The following ADGRB2 variants were observed in gnomAD, a reference collection of about 807,000 sequenced individuals.
ADGRB2 encodes the protein brain-specific angiogenesis inhibitor 2.
ADGRB2 carries 47 observed loss-of-function variants against 178.7 expected under a neutral mutation model. The observed-to-expected ratio is 0.26, with a 90% CI of 0.21 to 0.34. ADGRB2 has a LOEUF of 0.34. Ranked by LOEUF, ADGRB2 falls within the 10% of genes least tolerant of loss-of-function variation. The probability of loss-of-function intolerance (pLI) is 1.00; values close to 1 mark genes in which losing one functional copy is unlikely to be tolerated. For missense variants in ADGRB2, 1,584 were observed against 2,180.8 expected, an observed-to-expected ratio of 0.73 and a Z score of 5.45; for synonymous variants, 870 against 912.4, an observed-to-expected ratio of 0.95 and a Z score of 0.84.
chr1:31,749,954 G>A (rs1317061179), intron 4 of ADGRB2, among the ~76,000 whole-genome samples: 2 of 151,482 alleles, frequency 1.3e-5, no homozygotes, highest in African/African-American at 4.9e-5. Flanking sequence ...AGAAAGGAAA[G>A]AAAGAAAGAA....
At position 31,741,308 on chromosome 1, in the gene ADGRB2, C is replaced by A; in HGVS notation, c.1794+65G>T. On this transcript the variant is annotated intron_variant, in intron 11 of 32. Transcript: ENST00000373658. The surrounding 1 kb of genome is among the most constrained non-coding windows in gnomAD (Gnocchi z 6.5). ...GTGGGAACGAGCGAGAATCACGCTC[C>A]CTCCACCCCCTAGCAGAGTCTGAGA... 1 of 1,475,372 alleles carries A rather than the reference C, an allele frequency of 6.8e-7. No individual in the cohort carries two copies. Among genetic ancestry groups the A allele is most frequent in the East Asian group, 2.4e-5 (1 of 41,028 alleles). The allele number at this position is 1,475,372 out of a possible 1,614,324, so 91.4% of individuals were successfully genotyped here.
rs1204749327 is a variant in ADGRB2, at chr1:31,728,699, G to C, written c.4381-66C>G. The C allele has an allele frequency of 6.3e-7, 1 of 1,590,534 alleles. No individual in the cohort carries two copies. Among genetic ancestry groups the C allele is most frequent in the Non-Finnish European group, 8.6e-7 (1 of 1,159,410 alleles). On this transcript the variant is annotated intron_variant, in intron 29 of 32. Coordinates refer to ENST00000373658, the MANE Select transcript of ADGRB2 (RefSeq NM_001364857.2). This position sits in a 1 kb window ranked among gnomAD's most constrained non-coding sequence, Gnocchi z 6.7. Reference sequence around the variant, plus strand: ...CTTTTTACCACCGGCAGGGGCTTTAGAGACAGGAAGCCTGGCATCCCAGGG... The same window carrying C: ...CTTTTTACCACCGGCAGGGGCTTTACAGACAGGAAGCCTGGCATCCCAGGG...
rs1231624285 is a variant in ADGRB2 at position 31,754,405 on chromosome 1, G to A, written c.838+1594C>T. On this transcript the variant is annotated intron_variant, in intron 4 of 32. Transcript: ENST00000373658. This position sits in a 1 kb window ranked among gnomAD's most constrained non-coding sequence, Gnocchi z 5.7. ...GCCTGCAGCTGAGCACGATGGGGGA[G>A]ACCCCCACAGAGTGACAGGCAGTGG... Among the ~76,000 whole-genome samples the A allele has an allele frequency of 1.3e-5, 2 of 152,266 alleles. No homozygotes were observed. The highest frequency in any genetic ancestry group is 3.8e-4 in the East Asian group (2 of 5,198).
Position 31,761,812 on chromosome 1 carries a change from T to C in ADGRB2, c.-191+2072A>G, listed in dbSNP as rs113891242. Among the ~76,000 whole-genome samples, 9,031 of 152,200 alleles carry C rather than the reference T, an allele frequency of 0.059. 387 individuals carry two copies. The highest frequency in any genetic ancestry group is 0.12 in the African/African-American group (4,879 of 41,492). On this transcript the variant is annotated intron_variant, in intron 1 of 32. Transcript: ENST00000373658. This position sits in a 1 kb window ranked among gnomAD's most constrained non-coding sequence, Gnocchi z 4.2. ...GAGTGGAGTGGAGAGGGGCCTGACC[T>C]TGGCCTTGAACAGAAACAGCCCCAC...
At position 31,741,766 on chromosome 1, in the gene ADGRB2, G is replaced by A; in HGVS notation, c.1585+34C>T. On this transcript the variant is annotated intron_variant, in intron 9 of 32. Transcript: ENST00000373658. The surrounding 1 kb of genome is among the most constrained non-coding windows in gnomAD (Gnocchi z 6.5). ...TAAGGTTCAGCTGGGTCCACACATG[G>A]GGCCCCCAGCCCCCAGGGTCATTAG... 6.3e-7 allele frequency: 1 copy of A among 1,599,920 alleles called. No homozygotes were observed. The highest frequency in any genetic ancestry group is 8.5e-7 in the Non-Finnish European group (1 of 1,170,024).
In ADGRB2 at chr1:31,756,475, G is replaced by A. The variant is rs1169407905; in HGVS notation, c.362C>T (p.Ala121Val). Residue 121 changes from alanine to valine, a missense_variant, in exon 4 of 33, where the codon GCG becomes GTG. This residue lies in a region of ADGRB2 where 657 missense variants were observed against 847.6 expected (regional missense o/e 0.78). Transcript: ENST00000373658. The surrounding 1 kb of genome is among the most constrained non-coding windows in gnomAD (Gnocchi z 8.5). ...RPSPEEAVAQ[A>V]ESEVGRPEEE... ...TTCTGGCCGCCCCACCTCTGACTCCGCCTGGGCCACCGCCTCCTCGGGGCT... is the reference window on the plus strand; with the variant it reads ...TTCTGGCCGCCCCACCTCTGACTCCACCTGGGCCACCGCCTCCTCGGGGCT... The A allele has an allele frequency of 1.7e-5, 28 of 1,611,192 alleles. No individual in the cohort carries two copies. The highest frequency in any genetic ancestry group is 5.0e-5 in the Admixed American group (3 of 59,804).
chr1:31,733,345 C>A lies in ADGRB2; in HGVS notation c.3453-202G>T, dbSNP rs1222885199. Among the ~76,000 whole-genome samples the A allele has an allele frequency of 6.6e-6, 1 of 152,148 alleles. No individual in the cohort carries two copies. Among genetic ancestry groups the A allele is most frequent in the Non-Finnish European group, 1.5e-5 (1 of 68,034 alleles). ...CAGAACAGAGACCGAAAGCAGCGAACTACGGGGTCAGAGCAGGGACCAGGA... is the reference window on the plus strand; with the variant it reads ...CAGAACAGAGACCGAAAGCAGCGAAATACGGGGTCAGAGCAGGGACCAGGA... On this transcript the variant is annotated intron_variant, in intron 25 of 32. Coordinates refer to ENST00000373658, the MANE Select transcript of ADGRB2 (RefSeq NM_001364857.2). The surrounding 1 kb of genome is among the most constrained non-coding windows in gnomAD (Gnocchi z 4.3).
In ADGRB2 at chr1:31,740,237, C is replaced by T; in HGVS notation, c.1990-59G>A. On this transcript the variant is annotated intron_variant, in intron 12 of 32. Coordinates refer to ENST00000373658, the MANE Select transcript of ADGRB2 (RefSeq NM_001364857.2). The surrounding 1 kb of genome is among the most constrained non-coding windows in gnomAD (Gnocchi z 5.9). ...AGCCCCAGGGAACAGGGGGCTTCCCCCACTATAGCCACACTTGCCGCCTCT... is the reference window on the plus strand; with the variant it reads ...AGCCCCAGGGAACAGGGGGCTTCCCTCACTATAGCCACACTTGCCGCCTCT... 2 of 1,610,406 alleles carry T rather than the reference C, an allele frequency of 1.2e-6. No homozygotes were observed. The highest frequency in any genetic ancestry group is 1.7e-6 in the Non-Finnish European group (2 of 1,177,858).
rs1273440569 is a variant in ADGRB2 at position 31,739,943 on chromosome 1, A to G, written c.2150T>C (p.Ile717Thr). ...DALKAFQSSLIVTDNLVISIQ... is the reference protein window; with the variant it reads ...DALKAFQSSLTVTDNLVISIQ... The stretch of plus-strand genomic sequence containing the variant: ...CCTTCTACCTAGATTATCTGTGACA[A>G]TCAGAGAGCTCTGGAAGGCCTTGAG... The change falls in exon 14 of 33, where the codon ATT becomes ACT. Residue 717 changes from isoleucine (I) to threonine (T), a missense_variant. Around this residue, in one of 3 missense-constraint regions of ADGRB2, gnomAD observed 865 missense variants for 1,192.8 expected, o/e 0.73. Transcript: ENST00000373658. 6.2e-7 allele frequency: 1 copy of G among 1,614,062 alleles called. No homozygotes were observed. The highest frequency in any genetic ancestry group is 1.7e-5 in the Admixed American group (1 of 60,020).
rs781366309 is a variant in ADGRB2 at position 31,737,741 on chromosome 1, C to T, written c.2787G>A (p.Ala929=). 3.7e-6 allele frequency: 6 copies of T among 1,613,554 alleles called. No individual in the cohort carries two copies. In the East Asian group the frequency reaches 6.7e-5, roughly 18 times the overall value. The change falls in exon 19 of 33, where the codon GCG becomes GCA. Residue 929 remains alanine, a synonymous_variant. Transcript: ENST00000373658. The part of the protein sequence containing the change: ...QPPKDLTLEL[A]GSPSVPLVIG... Reference sequence around the variant, plus strand: ...TCACCAGGGGGACCGAGGGGGAGCCCGCCAGCTCCAGGGTCTGGGGAAGAT... The same window carrying T: ...TCACCAGGGGGACCGAGGGGGAGCCTGCCAGCTCCAGGGTCTGGGGAAGAT...
At position 31,727,740 on chromosome 1, in the gene ADGRB2, A is replaced by T. The variant is rs1232892361; in HGVS notation, c.4573-135T>A. On this transcript the variant is annotated intron_variant, in intron 32 of 32. Transcript: ENST00000373658. The surrounding 1 kb of genome is among the most constrained non-coding windows in gnomAD (Gnocchi z 4.4). The stretch of plus-strand genomic sequence containing the variant: ...AGCAATCAGGTGTCAAGCAGAATTC[A>T]AATACAGACCTGCCTGGTTCCAGGG... 5 of 1,048,690 alleles carry T rather than the reference A, an allele frequency of 4.8e-6. No homozygotes were observed. The highest frequency in any genetic ancestry group is 6.6e-6 in the Non-Finnish European group (5 of 753,050). The allele number at this position is 1,048,690 out of a possible 1,614,324, so 65.0% of individuals were successfully genotyped here.
At chr1:31,730,709 C>T (rs974910735) in intron 29 of ADGRB2, 91 bp downstream of exon 29, 72 of 1,378,494 alleles carry the variant, frequency 5.2e-5, no homozygotes, top group Middle Eastern at 2.8e-4. Flanking sequence ...TACGAGAGGC[C>T]GCTCTGGGGA....
At chr1:31,729,189 T>C (rs1645152035) in intron 29 of ADGRB2, among the ~76,000 whole-genome samples, 1 of 152,098 alleles carries the variant, frequency 6.6e-6, no homozygotes, top group Admixed American at 6.5e-5. Flanking sequence ...TACCCAGTGC[T>C]ACTCAAGAAA....
rs1557764076 is a variant in ADGRB2 at position 31,742,083 on chromosome 1, T to C, written c.1387A>G (p.Thr463Ala). The C allele has an allele frequency of 6.2e-7, 1 of 1,612,084 alleles. No homozygotes were observed. Among genetic ancestry groups the C allele is most frequent in the East Asian group, 2.2e-5 (1 of 44,870 alleles). The change falls in exon 8 of 33, where the codon ACC (threonine) becomes GCC (alanine). Residue 463 changes from threonine (T) to alanine (A), a missense_variant. By Grantham distance (58) the Thr-to-Ala change is moderately conservative. Coordinates refer to ENST00000373658, the MANE Select transcript of ADGRB2 (RefSeq NM_001364857.2). ...WATCTGALTD[T>A]RECSNLECPA... The stretch of plus-strand genomic sequence containing the variant: ...CACTCGAGGTTGCTGCACTCCCGGG[T>C]GTCAGTGAGGGCACCCGTGCATGTG...
rs201826324 is a variant in ADGRB2, at chr1:31,738,261, G to A, written c.2711C>T (p.Thr904Ile). The change falls in exon 18 of 33, where the codon ACC becomes ATC. Residue 904 changes from threonine (T) to isoleucine (I), a missense_variant. Coordinates refer to ENST00000373658, the MANE Select transcript of ADGRB2 (RefSeq NM_001364857.2). The stretch of plus-strand genomic sequence containing the variant: ...GGACAGGTGCTGGCACTGGCAGCGG[G>A]TGTGAGCTGCCTGGGTCTCCAGGGT... ...CQTLETQAAH[T>I]RCQCQHLSTF... 2 of 1,614,092 alleles carry A rather than the reference G, an allele frequency of 1.2e-6. No individual in the cohort carries two copies. Among genetic ancestry groups the A allele is most frequent in the Non-Finnish European group, 1.7e-6 (2 of 1,180,004 alleles).
chr1:31,727,509 G>C lies in ADGRB2; in HGVS notation c.4669C>G (p.Pro1557Ala), dbSNP rs769490381. 1.9e-6 allele frequency: 3 copies of C among 1,597,156 alleles called. No homozygotes were observed. The highest frequency in any genetic ancestry group is 1.8e-5 in the Admixed American group (1 of 54,116). ...AGAGTCAGCCGTTCTCGGGGCTTGG[G>C]GGGCAGCGAGCCCAGTGTCATAGAT... ...FKSMTLGSLPPKPRERLTLHR... is the reference protein window; with the variant it reads ...FKSMTLGSLPAKPRERLTLHR... The change falls in exon 33 of 33, where the codon CCC becomes GCC. Residue 1557 changes from proline to alanine, a missense_variant. This residue lies in a region of ADGRB2 where 865 missense variants were observed against 1,192.8 expected (regional missense o/e 0.73). Transcript: ENST00000373658. This position sits in a 1 kb window ranked among gnomAD's most constrained non-coding sequence, Gnocchi z 4.4.
At position 31,732,097 on chromosome 1, in the gene ADGRB2, C is replaced by G; in HGVS notation, c.3760+18G>C. 6.2e-7 allele frequency: 1 copy of G among 1,613,966 alleles called. No homozygotes were observed. The highest frequency in any genetic ancestry group is 8.5e-7 in the Non-Finnish European group (1 of 1,179,930). On this transcript the variant is annotated intron_variant, in intron 28 of 32. Coordinates refer to ENST00000373658, the MANE Select transcript of ADGRB2 (RefSeq NM_001364857.2). ...TCCAACCCCAGGACCATTCTCAGTT[C>G]TGCCACGGCACACTCACCTGTTTGA...
Position 31,756,648 on chromosome 1 carries a change from C to T in ADGRB2, c.189G>A (p.Ser63=), listed in dbSNP as rs527397729. Residue 63 remains serine (S), a synonymous_variant, in exon 4 of 33, where the codon TCG becomes TCA. Coordinates refer to ENST00000373658, the MANE Select transcript of ADGRB2 (RefSeq NM_001364857.2). This position sits in a 1 kb window ranked among gnomAD's most constrained non-coding sequence, Gnocchi z 8.5. ...GGTTCTCCAGGGTCCAGGAGCAGCC[C>T]GAGGCGATGGTAGGAAAGAGGTCCT... is the stretch of plus-strand genomic sequence containing the variant. ...SLQDLFPTIA[S]GCSWTLENPD... is the part of the protein sequence containing the mutation. 5.6e-5 allele frequency: 90 copies of T among 1,608,290 alleles called. No individual in the cohort carries two copies. The highest frequency in any genetic ancestry group is 6.8e-5 in the Non-Finnish European group (80 of 1,177,064).
At chr1:31,738,964 C>T in intron 15 of ADGRB2, 27 bp from the exon 16 acceptor site, 2 of 1,570,738 alleles carry the variant, frequency 1.3e-6, no homozygotes, top group Admixed American at 1.7e-5. Flanking sequence ...GAAGTCAGCT[C>T]CTGCCAGCGG....
Sources: allele counts gnomAD v4.1 joint callset (sites outside exome capture counted in the v4.1 genomes callset), GRCh38; gene constraint gnomAD v4.1.1; regional missense constraint gnomAD v4.1.1; non-coding constraint Gnocchi (gnomAD v3.1); transcripts MANE v1.5; gene names NCBI Gene and HGNC (gene_info 2026-07-23, HGNC 2026-07-21).